Variants in RBFOX1 observed in about 807,000 individuals in gnomAD.
RBFOX1 encodes the protein RNA binding protein fox-1 homolog 1.
A neutral mutation model predicts 57.7 loss-of-function variants in RBFOX1; 8 were observed. The observed-to-expected ratio is 0.14, with a 90% confidence interval of 0.08 to 0.25. The LOEUF (loss-of-function observed/expected upper bound fraction) is 0.25. Ranked by LOEUF, RBFOX1 falls within the 10% of genes least tolerant of loss-of-function variation. The pLI, the probability that RBFOX1 is intolerant of heterozygous loss-of-function variation, is 1.00. For missense variants in RBFOX1, 611 were observed against 548.5 expected (o/e 1.11, Z -1.14); for synonymous variants, 326 against 222.4 (o/e 1.47, Z -4.15).
At chr16:7,156,309 T>C (rs529812664) in intron 4 of RBFOX1, among the ~76,000 whole-genome samples, 265 of 147,420 alleles carry the variant, frequency 1.8e-3, no homozygotes, top group Non-Finnish European at 3.0e-3. Context: ...TAGTGTATTA[T>C]ACATATATAG....
At chr16:7,121,807 A>T (rs2067244288) in intron 4 of RBFOX1, among the ~76,000 whole-genome samples, 1 of 152,040 alleles carries the variant, frequency 6.6e-6, no homozygotes. Flanking sequence ...AAGTAAAGAT[A>T]GTGCAAACCA....
chr16:7,356,952 C>A (rs1456260870), intron 4 of RBFOX1, among the ~76,000 whole-genome samples: 1 of 152,150 alleles, frequency 6.6e-6, no homozygotes. Context: ...GTCTTGTTGC[C>A]TCTAGTTTCT....
At chr16:7,467,117 A>G (rs1005142943) in intron 4 of RBFOX1, among the ~76,000 whole-genome samples, 1 of 152,208 alleles carries the variant, frequency 6.6e-6, no homozygotes, top group African/African-American at 2.4e-5. Flanking sequence ...TAAGTAACAC[A>G]AGCATCTAAC....
chr16:5,713,441 G>A (rs2051568929), intron 3 of RBFOX1, among the ~76,000 whole-genome samples: 1 of 152,122 alleles, frequency 6.6e-6, no homozygotes. Flanking sequence ...TGCTGTTTTT[G>A]AAGTAAAATA....
At chr16:5,321,478 C>T (rs987611076) in intron 1 of RBFOX1, among the ~76,000 whole-genome samples, 2 of 152,112 alleles carry the variant, frequency 1.3e-5, no homozygotes, top group African/African-American at 4.8e-5. Flanking sequence ...CACCACCATG[C>T]CTGGCTAATT....
intron 2 of RBFOX1, among the ~76,000 whole-genome samples, chr16:6,593,577 G>C (rs1415835326): frequency 6.6e-6 from 1 of 152,104 alleles, no homozygotes; most frequent in African/African-American, 2.4e-5. Flanking sequence ...GTTTTCATTT[G>C]TTGCTTCTCT....
chr16:6,161,599 T>C (rs2096879856), intron 1 of RBFOX1, among the ~76,000 whole-genome samples: 1 of 152,120 alleles, frequency 6.6e-6, no homozygotes, highest in South Asian at 2.1e-4. Flanking sequence ...TGGCATCTGC[T>C]TCCTTCCATG....
At chr16:5,967,299 A>G (rs369076889) in intron 4 of RBFOX1, among the ~76,000 whole-genome samples, 2 of 152,350 alleles carry the variant, frequency 1.3e-5, no homozygotes, top group African/African-American at 2.4e-5. Flanking sequence ...TATACTATGT[A>G]TACATTATGT....
At chr16:6,323,993 A>G (rs1419150433) in intron 2 of RBFOX1, among the ~76,000 whole-genome samples, 1 of 152,116 alleles carries the variant, frequency 6.6e-6, no homozygotes, top group African/African-American at 2.4e-5. Context: ...GCCTGGTCTC[A>G]AACTCCTGAC....
chr16:7,607,544 T>C (rs2056576729), intron 10 of RBFOX1, among the ~76,000 whole-genome samples: 1 of 152,182 alleles, frequency 6.6e-6, no homozygotes, highest in Admixed American at 6.5e-5. Flanking sequence ...GGTTGGGGGA[T>C]CAGCGTGGAG....
At chr16:5,761,284 A>T (rs1326574498) in intron 3 of RBFOX1, among the ~76,000 whole-genome samples, 2 of 152,182 alleles carry the variant, frequency 1.3e-5, no homozygotes, top group Non-Finnish European at 2.9e-5. Flanking sequence ...TCACCTTCAG[A>T]ATGTGCCCCC....
At chr16:6,611,879 T>C (rs2098061948) in intron 2 of RBFOX1, among the ~76,000 whole-genome samples, 1 of 152,066 alleles carries the variant, frequency 6.6e-6, no homozygotes, top group African/African-American at 2.4e-5. Flanking sequence ...TGACCCTGGT[T>C]TCTGGTCTCT....
chr16:6,507,879 TAA>T (rs1446100070), intron 2 of RBFOX1, among the ~76,000 whole-genome samples: 3 of 152,102 alleles, frequency 2.0e-5, no homozygotes, highest in African/African-American at 7.2e-5. Context: ...ATTTGCAAGA[TAA>T]AGAGTTCTAC....
chr16:5,424,475 A>G (rs59358958), intron 1 of RBFOX1, among the ~76,000 whole-genome samples: 49 of 151,938 alleles, frequency 3.2e-4, no homozygotes, highest in Non-Finnish European at 5.4e-4. Flanking sequence ...AAAGGAAAAG[A>G]TAGGCCAGGG....
intron 1 of RBFOX1, among the ~76,000 whole-genome samples, chr16:6,211,738 T>C (rs769552711): frequency 1.8e-4 from 28 of 152,158 alleles, no homozygotes; most frequent in African/African-American, 6.5e-4. Context: ...GGTCTTGTAA[T>C]TGTGCTTCTA....
chr16:6,896,817 TTA>T (rs2067035804), intron 3 of RBFOX1, among the ~76,000 whole-genome samples: 1 of 152,060 alleles, frequency 6.6e-6, no homozygotes, highest in Non-Finnish European at 1.5e-5. Context: ...ATAGATGAGT[TTA>T]TAGGATAGAA....
chr16:7,287,748 G>C (rs2141402655), intron 4 of RBFOX1, among the ~76,000 whole-genome samples: 1 of 152,234 alleles, frequency 6.6e-6, no homozygotes, highest in African/African-American at 2.4e-5. Context: ...TATATGTTTA[G>C]ATTTAGAAAG....
At chr16:6,139,283 A>T (rs1446336897) in intron 1 of RBFOX1, among the ~76,000 whole-genome samples, 1 of 152,114 alleles carries the variant, frequency 6.6e-6, no homozygotes, top group Non-Finnish European at 1.5e-5. Context: ...GAGTGATACG[A>T]TCGTTTCAGG....
chr16:7,017,397 G>T (rs758788520), intron 3 of RBFOX1, among the ~76,000 whole-genome samples: 1 of 152,106 alleles, frequency 6.6e-6, no homozygotes, highest in Non-Finnish European at 1.5e-5. Flanking sequence ...CTCTAATAAC[G>T]ATAAAATGCC....
Sources: allele counts gnomAD v4.1 joint callset (sites outside exome capture counted in the v4.1 genomes callset), GRCh38; gene constraint gnomAD v4.1.1; transcripts MANE v1.5; gene names NCBI Gene and HGNC (gene_info 2026-07-23, HGNC 2026-07-21).